The following RIN1 variants were observed in gnomAD, a reference collection of about 807,000 sequenced individuals.
RIN1 encodes Ras and Rab interactor 1.
RIN1 carries 52 observed loss-of-function variants against 64.9 expected under a neutral mutation model. The ratio of observed to expected loss-of-function variants is 0.80; its 90% CI spans 0.64 to 1.01. RIN1 has a LOEUF of 1.01. RIN1 is among the 50% of genes least tolerant of loss of function. The pLI, the probability that RIN1 is intolerant of heterozygous loss-of-function variation, is 0.00. For missense variants in RIN1, 1,040 were observed against 1,064.5 expected, an observed-to-expected ratio of 0.98 and a Z score of 0.32; for synonymous variants, 486 against 483.6, an observed-to-expected ratio of 1.00 and a Z score of -0.06.
Position 66,332,551 on chromosome 11 carries a change from G to C in RIN1, c.2077C>G (p.Leu693Val), listed in dbSNP as rs749709206. The C allele has an allele frequency of 6.2e-7, 1 of 1,613,060 alleles. No individual in the cohort carries two copies. The change falls in exon 10 of 10, where the codon CTG becomes GTG. Residue 693 changes from leucine to valine, a missense_variant. Transcript: ENST00000311320. Reference sequence around the variant, plus strand: ...TAGACGAGGTAGCCAGTGGTGGGCAGCCTGTGGGCCAGGGCCCCAGGGGGC... The same window carrying C: ...TAGACGAGGTAGCCAGTGGTGGGCACCCTGTGGGCCAGGGCCCCAGGGGGC... ...RLPPGALAHRLPTTGYLVYRR... is the reference protein window; with the variant it reads ...RLPPGALAHRVPTTGYLVYRR...
Position 66,332,342 on chromosome 11 carries a change from T to A in RIN1, c.2286A>T (p.Gln762His), listed in dbSNP as rs1182344432. 2 of 1,614,176 alleles carry A rather than the reference T, an allele frequency of 1.2e-6. No individual in the cohort carries two copies. The highest frequency in any genetic ancestry group is 1.7e-6 in the Non-Finnish European group (2 of 1,180,014). The change falls in exon 10 of 10, where the codon CAA becomes CAT. Residue 762 changes from glutamine to histidine, a missense_variant. Coordinates refer to ENST00000311320, the MANE Select transcript of RIN1 (RefSeq NM_004292.3). ...CTGGCTGAGCAGGGCCTTCCTGGGC[T>A]TGACCCTGGCCCCCTTCAGCAGTTG... ...SETTAEGGQGQAQEGPAQPGE... is the reference protein window; with the variant it reads ...SETTAEGGQGHAQEGPAQPGE...
Position 66,332,678 on chromosome 11 carries a change from G to A in RIN1, c.1950C>T (p.Ala650=). The A allele has an allele frequency of 1.3e-6, 2 of 1,568,088 alleles. No individual in the cohort carries two copies. Among genetic ancestry groups the A allele is most frequent in the Non-Finnish European group, 1.7e-6 (2 of 1,157,170 alleles). The stretch of plus-strand genomic sequence containing the variant: ...AGAGCTGGTTCAGGGTGGCAATCGA[G>A]GCTTCTGGGGGCACGGCCAGGGTCT... ...TSKTLAVPPE[A]SIATLNQLCA... Residue 650 remains alanine (A), a synonymous_variant, in exon 10 of 10, where the codon GCC becomes GCT. Transcript: ENST00000311320.
chr11:66,333,440 G>A (rs761471156), intron 8 of RIN1, 31 bp from the exon 9 acceptor site: 3 of 1,604,384 alleles, frequency 1.9e-6, no homozygotes, highest in Non-Finnish European at 2.6e-6. Context: ...ACACGGCTCA[G>A]GCTGGGTGTG....
intron 2 of RIN1, 50 bp downstream of exon 2, chr11:66,335,928 T>C (rs1163087428): frequency 6.7e-7 from 1 of 1,495,912 alleles, no homozygotes; most frequent in East Asian, 2.4e-5. Flanking sequence ...CCCATCCCTC[T>C]CCCTCCCACC....
upstream of RIN1, chr11:66,336,706 C>T (rs1394205970): frequency 5.2e-6 from 2 of 387,692 alleles, no homozygotes; most frequent in Non-Finnish European, 9.5e-6. Flanking sequence ...GGTTAAGCGG[C>T]CTCAGTCCCC....
chr11:66,332,482 C>A lies in RIN1; in HGVS notation c.2146G>T (p.Glu716Ter). 1 of 1,614,212 alleles carries A rather than the reference C, an allele frequency of 6.2e-7. No individual in the cohort carries two copies. The highest frequency in any genetic ancestry group is 8.5e-7 in the Non-Finnish European group (1 of 1,180,030). ...WPETQGAVTEEEGSGQSEARS... is the reference protein window; with the variant it reads ...WPETQGAVTE ...GCCTCTGACTGCCCACTGCCCTCCTCCTCTGTCACAGCCCCCTGGGTCTCA... is the reference window on the plus strand; with the variant it reads ...GCCTCTGACTGCCCACTGCCCTCCTACTCTGTCACAGCCCCCTGGGTCTCA... Residue 716 changes from glutamate (E) to a stop codon, truncating the protein, a stop_gained, in exon 10 of 10, where the codon GAG becomes TAG. Coordinates refer to ENST00000311320, the MANE Select transcript of RIN1 (RefSeq NM_004292.3). LOFTEE classifies it high-confidence loss of function.
intron 4 of RIN1, 34 bp from the exon 5 acceptor site, chr11:66,335,532 G>A (rs370997457): frequency 1.2e-6 from 2 of 1,612,898 alleles, no homozygotes; most frequent in Non-Finnish European, 1.7e-6. Flanking sequence ...AGGGAGTGAG[G>A]GCCGAAGAGG....
At position 66,336,104 on chromosome 11, in the gene RIN1, G is replaced by T. The variant is rs765721476; in HGVS notation, c.141C>A (p.Gly47=). 1 of 1,443,696 alleles carries T rather than the reference G, an allele frequency of 6.9e-7. No individual in the cohort carries two copies. The highest frequency in any genetic ancestry group is 1.4e-5 in the South Asian group (1 of 69,248). 89.4% of individuals were successfully genotyped at this position (1,443,696 alleles called of 1,614,324 possible). ...DVPNASGGQA[G]GPQRPGRVVS... is the part of the protein sequence containing the mutation. The stretch of plus-strand genomic sequence containing the variant: ...CAACGCGCCCCGGCCGCTGCGGCCC[G>T]CCTGCCTGCCCGCCGCTGGCATTGG... Residue 47 remains glycine (G), a synonymous_variant, in exon 2 of 10, where the codon GGC becomes GGA. Coordinates refer to ENST00000311320, the MANE Select transcript of RIN1 (RefSeq NM_004292.3).
chr11:66,331,923 G>A lies in RIN1; in HGVS notation c.*353C>T. The A allele has an allele frequency of 3.2e-6, 1 of 313,784 alleles. No homozygotes were observed. Among genetic ancestry groups the A allele is most frequent in the Non-Finnish European group, 6.0e-6 (1 of 166,864 alleles). 19.4% of individuals were successfully genotyped at this position (313,784 alleles called of 1,614,324 possible). ...AGCCCTGCCTCAGCCATGCCCATGAGGGGAAGGGTAAAAGGAGCTGAGACC... is the reference window on the plus strand; with the variant it reads ...AGCCCTGCCTCAGCCATGCCCATGAAGGGAAGGGTAAAAGGAGCTGAGACC... On this transcript the variant is annotated 3_prime_UTR_variant, in exon 10 of 10. Coordinates refer to ENST00000311320, the MANE Select transcript of RIN1 (RefSeq NM_004292.3).
chr11:66,335,235 G>A lies in RIN1; in HGVS notation c.564C>T (p.Ser188=), dbSNP rs772899074. Residue 188 remains serine (S), a synonymous_variant, in exon 6 of 10, where the codon TCC becomes TCT. Coordinates refer to ENST00000311320, the MANE Select transcript of RIN1 (RefSeq NM_004292.3). ...GGCCCCGCTGAGCCTTGATGTTGAG[G>A]GAGGAGCTCCAGAACTCTAGGGAAC... is the stretch of plus-strand genomic sequence containing the variant. ...SHLGIEFWSS[S]LNIKAQRGPA... is the part of the protein sequence containing the mutation. 1 of 1,576,464 alleles carries A rather than the reference G, an allele frequency of 6.3e-7. No homozygotes were observed. Among genetic ancestry groups the A allele is most frequent in the African/African-American group, 1.4e-5 (1 of 72,810 alleles).
rs748237409 is a variant in RIN1 at position 66,334,086 on chromosome 11, T to TGGGCCCGGGCCAGGCGG, written c.1407_1423dup (p.Gln475ProfsTer16). 6.4e-7 allele frequency: 1 copy of TGGGCCCGGGCCAGGCGG among 1,564,408 alleles called. No individual in the cohort carries two copies. Among genetic ancestry groups the TGGGCCCGGGCCAGGCGG allele is most frequent in the South Asian group, 1.2e-5 (1 of 85,276 alleles). On this transcript the variant is annotated frameshift_variant, in exon 7 of 10. Coordinates refer to ENST00000311320, the MANE Select transcript of RIN1 (RefSeq NM_004292.3). LOFTEE classifies it high-confidence loss of function. ...GTGGGACCCGAAGGCTCCGGGGCCC[T>TGGGCCCGGGCCAGGCGG]GGGCCCGGGCCAGGCGGAGGCCCTC...
Position 66,333,614 on chromosome 11 carries a change from C to T in RIN1, c.1636G>A (p.Val546Ile), listed in dbSNP as rs116695211. Residue 546 changes from valine to isoleucine, a missense_variant, in exon 8 of 10, where the codon GTC becomes ATC. Physicochemically the swap from Val to Ile is conservative, Grantham distance 29 (BLOSUM62 3). Coordinates refer to ENST00000311320, the MANE Select transcript of RIN1 (RefSeq NM_004292.3). ...ADEFLPLLSL[V>I]LAHCDLPELL... is the part of the protein sequence containing the mutation. ...TCAGGAAGGTCACAGTGGGCCAAGA[C>T]GAGGCTCAGCAGAGGCAGGAACTCG... 1.7e-3 allele frequency: 2,691 copies of T among 1,613,512 alleles called. 25 individuals carry two copies. In the African/African-American group the frequency reaches 0.02, roughly 12 times the overall value.
In RIN1 at chr11:66,334,585, G is replaced by A. The variant is rs777750418; in HGVS notation, c.1214C>T (p.Ala405Val). 38 of 1,584,170 alleles carry A rather than the reference G, an allele frequency of 2.4e-5. No individual in the cohort carries two copies. Among genetic ancestry groups the A allele is most frequent in the Non-Finnish European group, 3.0e-5 (35 of 1,167,274 alleles). Residue 405 changes from alanine to valine, a missense_variant, in exon 6 of 10, where the codon GCG becomes GTG. Ala to Val is a moderately conservative substitution (Grantham distance 64, BLOSUM62 0). Transcript: ENST00000311320. Reference sequence around the variant, plus strand: ...CAGCATGGCCCGGGCCCGGCTCAGCGCCTGACGGATGCCCTGCAGCTCCTG... The same window carrying A: ...CAGCATGGCCCGGGCCCGGCTCAGCACCTGACGGATGCCCTGCAGCTCCTG... Reference protein sequence around the residue: ...EPQELQGIRQALSRARAMLSA... With the variant: ...EPQELQGIRQVLSRARAMLSA...
chr11:66,336,077 C>T lies in RIN1; in HGVS notation c.168G>A (p.Val56=), dbSNP rs1279516568. ...TGAGCAGCAGGCGCTCCCGCAGGCTCACAACGCGCCCCGGCCGCTGCGGCC... is the reference window on the plus strand; with the variant it reads ...TGAGCAGCAGGCGCTCCCGCAGGCTTACAACGCGCCCCGGCCGCTGCGGCC... The part of the protein sequence containing the change: ...AGGPQRPGRV[V]SLRERLLLTR... The change falls in exon 2 of 10, where the codon GTG becomes GTA. Residue 56 remains valine (V), a synonymous_variant. Coordinates refer to ENST00000311320, the MANE Select transcript of RIN1 (RefSeq NM_004292.3). 6.9e-7 allele frequency: 1 copy of T among 1,459,782 alleles called. No individual in the cohort carries two copies. The highest frequency in any genetic ancestry group is 9.0e-7 in the Non-Finnish European group (1 of 1,107,358). The allele number at this position is 1,459,782 out of a possible 1,614,324, so 90.4% of individuals were successfully genotyped here. A position where few individuals can be genotyped will look rare whatever the true frequency, so the allele number is the denominator to read the frequency against.
upstream of RIN1, chr11:66,336,533 G>C: frequency 2.6e-6 from 2 of 778,328 alleles, no homozygotes; most frequent in East Asian, 2.7e-5. Flanking sequence ...TGTCCACCCT[G>C]CCTGGCCAGT....
intron 9 of RIN1, 175 bp downstream of exon 9, chr11:66,333,083 G>A (rs1854776677): frequency 9.6e-6 from 7 of 729,350 alleles, no homozygotes; most frequent in African/African-American, 1.8e-5. Context: ...TTTTACTGAT[G>A]AGAAAACTGA....
At position 66,331,608 on chromosome 11, in the gene RIN1, G is replaced by C. The variant is rs35947684; in HGVS notation, c.*668C>G. The C allele has an allele frequency of 0.3, 46,199 of 152,116 alleles. 8,790 individuals carry two copies. The highest frequency in any genetic ancestry group is 0.4 in the Non-Finnish European group (27,038 of 67,958). The allele number at this position is 152,116 out of a possible 1,614,324, so 9.4% of individuals were successfully genotyped here. A position where few individuals can be genotyped will look rare whatever the true frequency, so the allele number is the denominator to read the frequency against. ...GAGAGCGGACTCCGGGAGAGAGTTAGCAGCCCAGCTCTCTCCCTCCCTTTC... is the reference window on the plus strand; with the variant it reads ...GAGAGCGGACTCCGGGAGAGAGTTACCAGCCCAGCTCTCTCCCTCCCTTTC... On this transcript the variant is annotated 3_prime_UTR_variant, in exon 10 of 10. Transcript: ENST00000311320.
Position 66,336,021 on chromosome 11 carries a change from T to C in RIN1, c.224A>G (p.Asn75Ser). The C allele has an allele frequency of 6.8e-7, 1 of 1,467,420 alleles. No individual in the cohort carries two copies. Among genetic ancestry groups the C allele is most frequent in the Non-Finnish European group, 9.0e-7 (1 of 1,108,134 alleles). 90.9% of individuals were successfully genotyped at this position (1,467,420 alleles called of 1,614,324 possible). A position where few individuals can be genotyped will look rare whatever the true frequency, so the allele number is the denominator to read the frequency against. ...CAGCATGTGCAGTGCGGCCGCTGCG[T>C]TGGCTTGCAGCTGCAGCCACACGGG... ...TRPVWLQLQA[N>S]AAAALHMLRT... Residue 75 changes from asparagine to serine, a missense_variant, in exon 2 of 10, where the codon AAC becomes AGC. Coordinates refer to ENST00000311320, the MANE Select transcript of RIN1 (RefSeq NM_004292.3).
At chr11:66,333,798 G>A (rs1278266175) in intron 7 of RIN1, 121 bp downstream of exon 7, 10 of 1,415,428 alleles carry the variant, frequency 7.1e-6, no homozygotes. Flanking sequence ...CCATCTGCAA[G>A]AGGGGAGGGT....
Sources: allele counts gnomAD v4.1 joint callset, GRCh38; gene constraint gnomAD v4.1.1; transcripts MANE v1.5; gene names NCBI Gene and HGNC (gene_info 2026-07-23, HGNC 2026-07-21).